ETV7: variants seen among roughly 807,000 people sequenced by gnomAD.
The protein encoded by ETV7 is transcription factor ETV7.
In ETV7, 43 loss-of-function variants were observed where a neutral mutation model predicts 39.1. The ratio of observed to expected loss-of-function variants is 1.10; its 90% CI spans 0.86 to 1.42. The LOEUF is 1.42. Among genes scored for constraint, ETV7 ranks in the 40% most tolerant of loss-of-function variants. The probability of loss-of-function intolerance (pLI) is 0.00; values close to 1 mark genes in which losing one functional copy is unlikely to be tolerated. For missense variants in ETV7, 432 were observed against 442.3 expected, an observed-to-expected ratio of 0.98 and a Z score of 0.21; for synonymous variants, 196 against 176.6, an observed-to-expected ratio of 1.11 and a Z score of -0.87.
At chr6:36,356,373 A>T (rs553623158) in intron 7 of ETV7, among the ~76,000 whole-genome samples, 1 of 152,004 alleles carries the variant, frequency 6.6e-6, no homozygotes, top group African/African-American at 2.4e-5. Context: ...ACGTATCCCA[A>T]ACATATATAC....
chr6:36,371,677 A>T (rs1773034275), intron 4 of ETV7, 117 bp from the exon 5 acceptor site: 1 of 927,700 alleles, frequency 1.1e-6, no homozygotes, highest in Non-Finnish European at 1.7e-6. Flanking sequence ...CTCTTTCTCC[A>T]ACCAGCCCCT....
chr6:36,385,607 G>C lies in ETV7; in HGVS notation c.69C>G (p.His23Gln), dbSNP rs770076267. ...TTTGAGCTTCACATCTGGCTTGCAC[G>C]TGGGTGCCTAGGGGAGGCATGGCTG... Reference protein sequence around the residue: ...PVAAMPPLGTHVQARCEAQIN... With the variant: ...PVAAMPPLGTQVQARCEAQIN... Residue 23 changes from histidine (H) to glutamine (Q), a missense_variant, in exon 2 of 8, where the codon CAC becomes CAG. Coordinates refer to ENST00000340181, the MANE Select transcript of ETV7 (RefSeq NM_016135.4). The C allele has an allele frequency of 1.2e-6, 2 of 1,614,224 alleles. No homozygotes were observed. The highest frequency in any genetic ancestry group is 4.5e-5 in the East Asian group (2 of 44,892).
intron 7 of ETV7, among the ~76,000 whole-genome samples, chr6:36,359,457 AAAAAAGAAAAAAG>A (rs1367412516): frequency 1.3e-3 from 192 of 150,538 alleles, no homozygotes; most frequent in African/African-American, 4.6e-3. Context: ...GTCTCAAAAA[AAAAAAGAAAAAAG>A]AAAAAAAGAA....
intron 2 of ETV7, among the ~76,000 whole-genome samples, chr6:36,378,255 A>AC (rs1773476219): frequency 2.0e-5 from 3 of 151,706 alleles, no homozygotes; most frequent in Admixed American, 2.0e-4. Flanking sequence ...AAAAAAAAAA[A>AC]ACCTGACTCT....
chr6:36,360,993 T>C (rs1179323314), intron 7 of ETV7, among the ~76,000 whole-genome samples: 3 of 152,208 alleles, frequency 2.0e-5, no homozygotes, highest in African/African-American at 7.2e-5. Context: ...ATCAGCTACA[T>C]CTGTTTCCCC....
downstream of ETV7, among the ~76,000 whole-genome samples, chr6:36,362,720 T>G (rs887105122): frequency 2.6e-5 from 4 of 152,144 alleles, no homozygotes; most frequent in African/African-American, 9.7e-5. Flanking sequence ...CAGGGCTGAG[T>G]GCAGAGTTCC....
chr6:36,358,882 G>C (rs192207217), intron 7 of ETV7, among the ~76,000 whole-genome samples: 2 of 152,316 alleles, frequency 1.3e-5, no homozygotes, highest in African/African-American at 4.8e-5. Context: ...TCCAGCCAGA[G>C]CACTTTCAAC....
At chr6:36,376,890 G>A (rs566113903) in intron 2 of ETV7, among the ~76,000 whole-genome samples, 86 of 152,216 alleles carry the variant, frequency 5.6e-4, no homozygotes, top group South Asian at 2.1e-3. Flanking sequence ...GGGCACAGCC[G>A]GGCTGTCTGG....
chr6:36,364,804 G>A (rs950698492), downstream of ETV7, among the ~76,000 whole-genome samples: 4 of 152,246 alleles, frequency 2.6e-5, no homozygotes, highest in Non-Finnish European at 5.9e-5. Flanking sequence ...CAATAAGAGA[G>A]GCCATGGGGC....
rs768415508 is a variant in ETV7, at chr6:36,385,622, A to G, written c.54T>C (p.Pro18=). Residue 18 remains proline (P), a synonymous_variant, in exon 2 of 8, where the codon CCT becomes CCC. Transcript: ENST00000340181. ...ISPISPVAAM[P]PLGTHVQARC... ...TGGCTTGCACGTGGGTGCCTAGGGGAGGCATGGCTGCCACAGGGCTTATAG... is the reference window on the plus strand; with the variant it reads ...TGGCTTGCACGTGGGTGCCTAGGGGGGGCATGGCTGCCACAGGGCTTATAG... The G allele has an allele frequency of 6.2e-7, 1 of 1,614,116 alleles. No individual in the cohort carries two copies. The highest frequency in any genetic ancestry group is 8.5e-7 in the Non-Finnish European group (1 of 1,179,988).
rs147850067 is a variant in ETV7 at position 36,375,971 on chromosome 6, C to A, written c.207G>T (p.Glu69Asp). 6.2e-7 allele frequency: 1 copy of A among 1,612,912 alleles called. No homozygotes were observed. Among genetic ancestry groups the A allele is most frequent in the South Asian group, 1.1e-5 (1 of 91,088 alleles). ...VLHWLRWAEQ[E>D]YSLPCTAEHG... ...GCTCCGCGGTGCATGGCAGAGAGTACTCCTGCTCTGCCCAGCGCAGCCAGT... is the reference window on the plus strand; with the variant it reads ...GCTCCGCGGTGCATGGCAGAGAGTAATCCTGCTCTGCCCAGCGCAGCCAGT... Residue 69 changes from glutamate to aspartate, a missense_variant, in exon 3 of 8, where the codon GAG (glutamate) becomes GAT (aspartate). Physicochemically the swap from Glu to Asp is conservative, Grantham distance 45. Coordinates refer to ENST00000340181, the MANE Select transcript of ETV7 (RefSeq NM_016135.4).
At chr6:36,379,603 C>T (rs550512731) in intron 2 of ETV7, among the ~76,000 whole-genome samples, 4 of 150,230 alleles carry the variant, frequency 2.7e-5, no homozygotes, top group South Asian at 4.2e-4. Flanking sequence ...GAAGGCCGGG[C>T]GTGGTGGCTC....
chr6:36,374,640 G>A (rs969529543), intron 3 of ETV7, among the ~76,000 whole-genome samples: 9 of 152,330 alleles, frequency 5.9e-5, no homozygotes, highest in African/African-American at 2.2e-4. Flanking sequence ...TCAGGGCTGT[G>A]GGGAAGCTGG....
At chr6:36,381,422 A>C (rs1270361900) in intron 2 of ETV7, among the ~76,000 whole-genome samples, 1 of 152,244 alleles carries the variant, frequency 6.6e-6, no homozygotes, top group Non-Finnish European at 1.5e-5. Context: ...AATATATTCA[A>C]TCAGATAATA....
At chr6:36,376,800 A>T (rs1773387450) in intron 2 of ETV7, among the ~76,000 whole-genome samples, 1 of 149,588 alleles carries the variant, frequency 6.7e-6, no homozygotes, top group Admixed American at 6.7e-5. Flanking sequence ...AAAAAAAGGA[A>T]GGGATGTTAT....
At position 36,375,360 on chromosome 6, in the gene ETV7, C is replaced by G. The variant is rs7752648; in HGVS notation, c.307+511G>C. Among the ~76,000 whole-genome samples the G allele has an allele frequency of 2.5e-3, 386 of 152,270 alleles. 2 individuals carry two copies. The highest frequency in any genetic ancestry group is 7.6e-3 in the African/African-American group (314 of 41,544). On this transcript the variant is annotated intron_variant, in intron 3 of 7. Transcript: ENST00000340181. ...CCACTGGCCACCCTCCCTCCCACCA[C>G]CAGTCCCTCCCCACAAACTCCGTGC... is the stretch of plus-strand genomic sequence containing the variant.
chr6:36,370,175 T>A (rs926670459), intron 5 of ETV7, among the ~76,000 whole-genome samples: 1 of 152,030 alleles, frequency 6.6e-6, no homozygotes, highest in African/African-American at 2.4e-5. Context: ...GGTGTGGACA[T>A]AACAATGGGA....
chr6:36,363,871 C>A (rs952574294), downstream of ETV7, among the ~76,000 whole-genome samples: 14 of 152,188 alleles, frequency 9.2e-5, 1 homozygote, highest in Middle Eastern at 0.014. Context: ...AAACCCTGAG[C>A]TAGACACAGG....
At chr6:36,387,442 G>T in intron 1 of ETV7, 94 bp downstream of exon 1, 1 of 1,539,240 alleles carries the variant, frequency 6.5e-7, no homozygotes, top group South Asian at 1.1e-5. Context: ...TAAAAGGTCT[G>T]ATAAAATAGG....
Sources: gnomAD v4.1 joint callset for allele counts (sites outside exome capture counted in the v4.1 genomes callset) on GRCh38, gnomAD v4.1.1 for gene constraint, MANE v1.5 for transcripts, NCBI Gene and HGNC (gene_info 2026-07-23, HGNC 2026-07-21) for gene names.